The following MYOG variants were observed in gnomAD, a reference collection of about 807,000 sequenced individuals.
MYOG encodes the protein myogenin, also known as class C basic helix-loop-helix protein 3.
Under a neutral mutation model 17.7 loss-of-function variants are expected in MYOG, and 6 were observed. The observed-to-expected ratio is 0.34, with a 90% CI of 0.19 to 0.67. The LOEUF is 0.67. Ranked by LOEUF, MYOG falls within the 30% of genes least tolerant of loss-of-function variation. The pLI is 0.69. For missense variants in MYOG, 272 were observed against 302.0 expected, an observed-to-expected ratio of 0.90 and a Z score of 0.74; for synonymous variants, 125 against 130.2, an observed-to-expected ratio of 0.96 and a Z score of 0.27.
rs1018634672 is a variant in MYOG at position 203,083,604 on chromosome 1, G to A, written c.*306C>T. 1.9e-6 allele frequency: 1 copy of A among 535,376 alleles called. No homozygotes were observed. The allele number at this position is 535,376 out of a possible 1,614,324, so 33.2% of individuals were successfully genotyped here. A position where few individuals can be genotyped will look rare whatever the true frequency, so the allele number is the denominator to read the frequency against. On this transcript the variant is annotated 3_prime_UTR_variant, in exon 3 of 3. Coordinates refer to ENST00000241651, the MANE Select transcript of MYOG (RefSeq NM_002479.6). ...ATTAGAGGCCGCGTTATGATAAAAAGGAAGCTCCTGAGTTTGCCCCCTGAG... is the reference window on the plus strand; with the variant it reads ...ATTAGAGGCCGCGTTATGATAAAAAAGAAGCTCCTGAGTTTGCCCCCTGAG...
chr1:203,085,419 G>A lies in MYOG; in HGVS notation c.471+72C>T, dbSNP rs934736839. ...CACCAACCCTCTGAGCCCCTCTTGG[G>A]GTCTTGAGGCTGTCCAGGTGCCTCC... On this transcript the variant is annotated intron_variant, in intron 1 of 2. Transcript: ENST00000241651. The A allele has an allele frequency of 1.3e-4, 183 of 1,375,770 alleles. 1 individual carries two copies. The African/African-American group carries it at 2.4e-3, about 18-fold the overall frequency. The allele number at this position is 1,375,770 out of a possible 1,614,324, so 85.2% of individuals were successfully genotyped here.
At position 203,083,702 on chromosome 1, in the gene MYOG, G is replaced by A. The variant is rs954916117; in HGVS notation, c.*208C>T. 1 of 716,054 alleles carries A rather than the reference G, an allele frequency of 1.4e-6. No individual in the cohort carries two copies. The highest frequency in any genetic ancestry group is 2.3e-6 in the Non-Finnish European group (1 of 440,050). 44.4% of individuals were successfully genotyped at this position (716,054 alleles called of 1,614,324 possible). A position where few individuals can be genotyped will look rare whatever the true frequency, so the allele number is the denominator to read the frequency against. Reference sequence around the variant, plus strand: ...GGAAAGGGGATGCCCTCTCCTCTAAGGAGGCAGCTGAATGAGGGCGTCCAG... The same window carrying A: ...GGAAAGGGGATGCCCTCTCCTCTAAAGAGGCAGCTGAATGAGGGCGTCCAG... On this transcript the variant is annotated 3_prime_UTR_variant, in exon 3 of 3. Coordinates refer to ENST00000241651, the MANE Select transcript of MYOG (RefSeq NM_002479.6).
rs746674622 is a variant in MYOG, at chr1:203,083,967, G to A, written c.618C>T (p.Asp206=). The A allele has an allele frequency of 5.0e-6, 8 of 1,592,422 alleles. No homozygotes were observed. The highest frequency in any genetic ancestry group is 3.3e-4 in the Middle Eastern group (2 of 6,036). The change falls in exon 3 of 3, where the codon GAC becomes GAT. Residue 206 remains aspartate, a synonymous_variant. Coordinates refer to ENST00000241651, the MANE Select transcript of MYOG (RefSeq NM_002479.6). ...HNLHSLTSIV[D]SITVEDVSVA... ...CAGACACATCTTCCACTGTGATGCTGTCCACGATGGAGGTGAGGGAGTGCA... is the reference window on the plus strand; with the variant it reads ...CAGACACATCTTCCACTGTGATGCTATCCACGATGGAGGTGAGGGAGTGCA...
chr1:203,084,106 C>T, intron 2 of MYOG, 75 bp from the exon 3 acceptor site: 2 of 1,539,872 alleles, frequency 1.3e-6, no homozygotes, highest in Non-Finnish European at 1.8e-6. Context: ...AGGATGGGAC[C>T]CTTGGGGTGA....
Position 203,083,851 on chromosome 1 carries a change from T to G in MYOG, c.*59A>C, listed in dbSNP as rs1653553283. The G allele has an allele frequency of 6.4e-7, 1 of 1,561,076 alleles. No individual in the cohort carries two copies. On this transcript the variant is annotated 3_prime_UTR_variant, in exon 3 of 3. Transcript: ENST00000241651. ...GCTTAGGAGGCCCCTGCTACAGAAG[T>G]AGTGGCATCTGTGGCCAGCTTGGGG...
rs778261523 is a variant in MYOG at position 203,085,778 on chromosome 1, G to A, written c.184C>T (p.Pro62Ser). 6.2e-7 allele frequency: 1 copy of A among 1,614,006 alleles called. No homozygotes were observed. The highest frequency in any genetic ancestry group is 1.7e-5 in the Admixed American group (1 of 60,020). Residue 62 changes from proline to serine, a missense_variant, in exon 1 of 3, where the codon CCA becomes TCA. Coordinates refer to ENST00000241651, the MANE Select transcript of MYOG (RefSeq NM_002479.6). ...DKGLGTPEHC[P>S]GQCLPWACKV... ...CACGCCCACGGCAGGCACTGGCCTG[G>A]ACAGTGCTCGGGGGTCCCCAGCCCC...
Position 203,084,671 on chromosome 1 carries a change from G to T in MYOG, c.529C>A (p.Leu177Met). The change falls in exon 2 of 3, where the codon CTG becomes ATG. Residue 177 changes from leucine to methionine, a missense_variant. Coordinates refer to ENST00000241651, the MANE Select transcript of MYOG (RefSeq NM_002479.6). ...CCCCCTGGGTTGGCGCTGAACTCCA[G>T]TGCACTGCCCCACTCTGGACTGCAG... ...ASCSPEWGSA[L>M]EFSANPGDHL... 6.2e-7 allele frequency: 1 copy of T among 1,611,610 alleles called. No individual in the cohort carries two copies. Among genetic ancestry groups the T allele is most frequent in the South Asian group, 1.1e-5 (1 of 90,406 alleles).
At chr1:203,085,396 C>G in intron 1 of MYOG, 95 bp downstream of exon 1, 1 of 1,239,210 alleles carries the variant, frequency 8.1e-7, no homozygotes, top group South Asian at 1.5e-5. Context: ...GGCACCTGCA[C>G]CAACCCTCTG....
intron 1 of MYOG, 99 bp downstream of exon 1, chr1:203,085,392 T>C: frequency 6.9e-6 from 8 of 1,161,302 alleles, no homozygotes; most frequent in Non-Finnish European, 9.5e-6. Context: ...GTCTGGCACC[T>C]GCACCAACCC....
Position 203,085,900 on chromosome 1 carries a change from T to C in MYOG, c.62A>G (p.Asn21Ser). ...YQEPRFYDGE[N>S]YLPVHLQGFE... ...GCCCTGGAGGTGGACAGGCAGGTAG[T>C]TTTCCCCATCATAGAAGCGGGGTTC... The change falls in exon 1 of 3, where the codon AAC (asparagine) becomes AGC (serine). Residue 21 changes from asparagine (N) to serine (S), a missense_variant. Physicochemically the swap from Asn to Ser is conservative, Grantham distance 46. Transcript: ENST00000241651. 1 of 1,611,162 alleles carries C rather than the reference T, an allele frequency of 6.2e-7. No homozygotes were observed. The highest frequency in any genetic ancestry group is 8.5e-7 in the Non-Finnish European group (1 of 1,178,862).
rs772869316 is a variant in MYOG at position 203,085,994 on chromosome 1, C to T, written c.-33G>A. Reference sequence around the variant, plus strand: ...GAAAAGGCTTGTTCCTGCCACCAGCCCCCAAGCTCCAGCAGCCCCTCACGC... The same window carrying T: ...GAAAAGGCTTGTTCCTGCCACCAGCTCCCAAGCTCCAGCAGCCCCTCACGC... On this transcript the variant is annotated 5_prime_UTR_variant, in exon 1 of 3. Transcript: ENST00000241651. The T allele has an allele frequency of 4.1e-6, 6 of 1,467,350 alleles. No homozygotes were observed. Among genetic ancestry groups the T allele is most frequent in the Non-Finnish European group, 4.6e-6 (5 of 1,088,020 alleles). The allele number at this position is 1,467,350 out of a possible 1,614,324, so 90.9% of individuals were successfully genotyped here.
Position 203,084,005 on chromosome 1 carries a change from C to T in MYOG, c.580G>A (p.Asp194Asn). The change falls in exon 3 of 3, where the codon GAT (aspartate) becomes AAT (asparagine). Residue 194 changes from aspartate to asparagine, a missense_variant. Transcript: ENST00000241651. Reference protein sequence around the residue: ...GDHLLTADPTDAHNLHSLTSI... With the variant: ...GDHLLTADPTNAHNLHSLTSI... Reference sequence around the variant, plus strand: ...GTGAGGGAGTGCAGGTTGTGGGCATCTGTAGGGTCAGCCGTGAGCAGATGA... The same window carrying T: ...GTGAGGGAGTGCAGGTTGTGGGCATTTGTAGGGTCAGCCGTGAGCAGATGA... 1 of 1,596,804 alleles carries T rather than the reference C, an allele frequency of 6.3e-7. No homozygotes were observed. The highest frequency in any genetic ancestry group is 8.5e-7 in the Non-Finnish European group (1 of 1,171,456).
In MYOG at chr1:203,083,361, A is replaced by AAACAT. The variant is rs1653534783; in HGVS notation, c.*544_*548dup. 1 of 244,140 alleles carries AAACAT rather than the reference A, an allele frequency of 4.1e-6. No homozygotes were observed. The highest frequency in any genetic ancestry group is 7.8e-6 in the Non-Finnish European group (1 of 128,796). The allele number at this position is 244,140 out of a possible 1,614,324, so 15.1% of individuals were successfully genotyped here. Reference sequence around the variant, plus strand: ...TACAAACAACACACGAAACAAAACAAAACATAAAACCACTGGAAGGTTCCC... The same window carrying AAACAT: ...TACAAACAACACACGAAACAAAACAAAACATAACATAAAACCACTGGAAGGTTCCC... On this transcript the variant is annotated 3_prime_UTR_variant, in exon 3 of 3. Coordinates refer to ENST00000241651, the MANE Select transcript of MYOG (RefSeq NM_002479.6).
intron 1 of MYOG, among the ~76,000 whole-genome samples, chr1:203,085,199 C>T (rs1263241091): frequency 6.6e-6 from 1 of 152,198 alleles, no homozygotes; most frequent in Non-Finnish European, 1.5e-5. Flanking sequence ...TTAATCCTCA[C>T]CCTCACCTGG....
intron 2 of MYOG, among the ~76,000 whole-genome samples, 159 bp from the exon 3 acceptor site, chr1:203,084,190 C>CTGTGTGTGTGTGTGTGTGTGTG (rs1179050983): frequency 1.4e-5 from 1 of 73,870 alleles, no homozygotes; most frequent in Non-Finnish European, 3.0e-5. Context: ...TCCCCATGCT[C>CTGTGTGTGTGTGTGTGTGTGTG]TGTGAGTGTG....
At chr1:203,084,777 T>C in intron 1 of MYOG, 49 bp from the exon 2 acceptor site, 1 of 1,530,470 alleles carries the variant, frequency 6.5e-7, no homozygotes, top group Non-Finnish European at 8.9e-7. Flanking sequence ...CATTCTTTGA[T>C]GTCTCTCTCT....
chr1:203,084,482 G>A (rs1372168453), intron 2 of MYOG, among the ~76,000 whole-genome samples, 165 bp downstream of exon 2: 1 of 152,154 alleles, frequency 6.6e-6, no homozygotes, highest in Non-Finnish European at 1.5e-5. Flanking sequence ...AGACTGCAGG[G>A]GCACACAGAA....
At chr1:203,084,867 C>A in intron 1 of MYOG, 139 bp from the exon 2 acceptor site, 4 of 780,654 alleles carry the variant, frequency 5.1e-6, no homozygotes, top group South Asian at 5.1e-5. Context: ...CCCAGGCCAT[C>A]CCCAACCCCA....
chr1:203,083,973 G>A lies in MYOG; in HGVS notation c.612C>T (p.Ile204=), dbSNP rs151167999. The change falls in exon 3 of 3, where the codon ATC becomes ATT. Residue 204 remains isoleucine, a synonymous_variant. Transcript: ENST00000241651. The part of the protein sequence containing the change: ...DAHNLHSLTS[I]VDSITVEDVS... ...CATCTTCCACTGTGATGCTGTCCAC[G>A]ATGGAGGTGAGGGAGTGCAGGTTGT... The A allele has an allele frequency of 3.3e-5, 52 of 1,593,032 alleles. No homozygotes were observed. Among genetic ancestry groups the A allele is most frequent in the East Asian group, 1.8e-4 (8 of 44,382 alleles).
Sources: gnomAD v4.1 joint callset for allele counts (sites outside exome capture counted in the v4.1 genomes callset) on GRCh38, gnomAD v4.1.1 for gene constraint, MANE v1.5 for transcripts, NCBI Gene and HGNC (gene_info 2026-07-23, HGNC 2026-07-21) for gene names.